Variants in GFRA2 observed in about 807,000 individuals in gnomAD.
GFRA2 encodes GDNF family receptor alpha-2.
In GFRA2, 17 loss-of-function variants were observed where a neutral mutation model predicts 48.3. The ratio of observed to expected loss-of-function variants is 0.35; its 90% CI spans 0.24 to 0.53. The LOEUF is 0.53. GFRA2 is among the 20% of genes least tolerant of loss of function. The pLI is 0.93. For missense variants in GFRA2, 660 were observed against 637.3 expected, an observed-to-expected ratio of 1.04 and a Z score of -0.38; for synonymous variants, 305 against 257.2, an observed-to-expected ratio of 1.19 and a Z score of -1.78.
chr8:21,718,962 T>C (rs2117436136), intron 4 of GFRA2, among the ~76,000 whole-genome samples: 1 of 151,796 alleles, frequency 6.6e-6, no homozygotes, highest in South Asian at 2.1e-4. Flanking sequence ...AATAAAGTTT[T>C]CTTTCTCTCC....
intron 3 of GFRA2, among the ~76,000 whole-genome samples, chr8:21,772,614 G>A (rs922325897): frequency 1.3e-5 from 2 of 152,160 alleles, no homozygotes; most frequent in Non-Finnish European, 2.9e-5. Context: ...AGGAGGGACC[G>A]GCACAGTCCC....
intron 7 of GFRA2, among the ~76,000 whole-genome samples, chr8:21,701,872 G>A (rs1200406322): frequency 6.6e-6 from 1 of 152,126 alleles, no homozygotes; most frequent in African/African-American, 2.4e-5. Context: ...GGGCTGGGTG[G>A]GGTTCCCAAA....
chr8:21,701,754 C>A (rs1802491541), intron 7 of GFRA2, among the ~76,000 whole-genome samples: 1 of 152,174 alleles, frequency 6.6e-6, no homozygotes, highest in Non-Finnish European at 1.5e-5. Context: ...GGTGAGACTG[C>A]ACAAAACCAG....
chr8:21,771,778 A>G (rs1337766697), intron 3 of GFRA2, among the ~76,000 whole-genome samples: 1 of 152,048 alleles, frequency 6.6e-6, no homozygotes, highest in Non-Finnish European at 1.5e-5. Flanking sequence ...GAGGTAGTAC[A>G]ACCCAGAAGC....
rs75685956 is a variant in GFRA2, at chr8:21,721,264, C to G, written c.795-15223G>C. Among the ~76,000 whole-genome samples, 32 of 152,338 alleles carry G rather than the reference C, an allele frequency of 2.1e-4. 1 individual carries two copies. The highest frequency in any genetic ancestry group is 1.4e-3 in the Admixed American group (22 of 15,302). On this transcript the variant is annotated intron_variant, in intron 4 of 8. Transcript: ENST00000524240. ...CCCTCCAGTGTGTCTGCCTTTCCCC[C>G]CTTCCTCTTATCCTGCCCACTGGTG...
chr8:21,746,676 G>A (rs1465446413), intron 4 of GFRA2, among the ~76,000 whole-genome samples: 1 of 151,914 alleles, frequency 6.6e-6, no homozygotes, highest in Non-Finnish European at 1.5e-5. Context: ...TCAGCTCCCA[G>A]GATTCCTCAG....
Position 21,750,869 on chromosome 8 carries a change from A to G in GFRA2, c.513T>C (p.Asn171=), listed in dbSNP as rs371667946. The change falls in exon 4 of 9, where the codon AAT becomes AAC. Residue 171 remains asparagine, a synonymous_variant. Coordinates refer to ENST00000524240, the MANE Select transcript of GFRA2 (RefSeq NM_001495.5). The surrounding 1 kb of genome is among the most constrained non-coding windows in gnomAD (Gnocchi z 5.7). ...CLDAAKACNL[N]DNCKKLRSSY... is the part of the protein sequence containing the mutation. Reference sequence around the variant, plus strand: ...AGGAGCGCAGCTTCTTGCAGTTGTCATTCAGGTTGCAGGCCTTGGCAGCAT... The same window carrying G: ...AGGAGCGCAGCTTCTTGCAGTTGTCGTTCAGGTTGCAGGCCTTGGCAGCAT... 117 of 1,613,892 alleles carry G rather than the reference A, an allele frequency of 7.2e-5. 1 individual carries two copies. Among genetic ancestry groups the G allele is most frequent in the South Asian group, 4.8e-4 (44 of 91,086 alleles).
chr8:21,793,844 GA>G (rs1184193015), upstream of GFRA2, among the ~76,000 whole-genome samples: 2 of 146,838 alleles, frequency 1.4e-5, no homozygotes, highest in African/African-American at 5.0e-5. Flanking sequence ...CAAATAGTGT[GA>G]AAAAAATCAT....
At chr8:21,775,940 T>C (rs1806672539) in intron 2 of GFRA2, among the ~76,000 whole-genome samples, 1 of 151,628 alleles carries the variant, frequency 6.6e-6, no homozygotes, top group African/African-American at 2.4e-5. Flanking sequence ...GGAAATAGTC[T>C]CTTGAGACGT....
intron 1 of GFRA2, among the ~76,000 whole-genome samples, chr8:21,810,842 G>A (rs1232593254): frequency 6.6e-6 from 1 of 152,144 alleles, no homozygotes; most frequent in Non-Finnish European, 1.5e-5. Context: ...GTGGGCTGCA[G>A]AGGAGCCCCC....
chr8:21,787,730 C>G (rs1807352653), intron 1 of GFRA2, among the ~76,000 whole-genome samples: 1 of 152,212 alleles, frequency 6.6e-6, no homozygotes, highest in African/African-American at 2.4e-5. Flanking sequence ...GCCTAGGAGC[C>G]TCTCTCTCCC....
At chr8:21,797,243 C>T (rs1044333813) in intron 2 of GFRA2, among the ~76,000 whole-genome samples, 5 of 149,920 alleles carry the variant, frequency 3.3e-5, no homozygotes, top group South Asian at 2.1e-4. Flanking sequence ...ACAGATAACG[C>T]GGACAATTGA....
chr8:21,754,226 T>C (rs1351466115), intron 3 of GFRA2, among the ~76,000 whole-genome samples: 1 of 152,214 alleles, frequency 6.6e-6, no homozygotes, highest in Admixed American at 6.5e-5. Context: ...CTGTGCTCAG[T>C]GCTGTGTCCC....
chr8:21,738,359 G>T (rs1275803977), intron 4 of GFRA2, among the ~76,000 whole-genome samples: 1 of 151,238 alleles, frequency 6.6e-6, no homozygotes, highest in Non-Finnish European at 1.5e-5. Flanking sequence ...ACCTCTGAAG[G>T]TCTCTGAGCA....
At chr8:21,712,933 T>G (rs1585242614) in intron 4 of GFRA2, among the ~76,000 whole-genome samples, 1 of 150,970 alleles carries the variant, frequency 6.6e-6, no homozygotes, top group Admixed American at 6.6e-5. Context: ...GGCAGGGAGG[T>G]TGCAGTGAGC....
At chr8:21,746,488 T>G (rs1033325630) in intron 4 of GFRA2, among the ~76,000 whole-genome samples, 5 of 152,210 alleles carry the variant, frequency 3.3e-5, no homozygotes, top group Non-Finnish European at 7.3e-5. Flanking sequence ...AGCCACATCC[T>G]GGAGCAATCA....
At chr8:21,703,228 G>A (rs1049461964) in intron 6 of GFRA2, among the ~76,000 whole-genome samples, 25 of 152,278 alleles carry the variant, frequency 1.6e-4, no homozygotes, top group Non-Finnish European at 5.9e-5. Flanking sequence ...AAGTGTACAT[G>A]ATGGGGAACA....
intron 2 of GFRA2, among the ~76,000 whole-genome samples, chr8:21,800,005 A>T (rs1807743368): frequency 6.6e-6 from 1 of 152,206 alleles, no homozygotes; most frequent in Non-Finnish European, 1.5e-5. Context: ...CACTTTGGCT[A>T]GGGGACATCT....
chr8:21,719,412 C>T (rs1803489047), intron 4 of GFRA2, among the ~76,000 whole-genome samples: 1 of 152,034 alleles, frequency 6.6e-6, no homozygotes, highest in Admixed American at 6.5e-5. Context: ...CCCAATCCCT[C>T]CACCTATGTT....
Sources: gnomAD v4.1 joint callset for allele counts (sites outside exome capture counted in the v4.1 genomes callset) on GRCh38, gnomAD v4.1.1 for gene constraint, Gnocchi (gnomAD v3.1) non-coding constraint, MANE v1.5 for transcripts, NCBI Gene and HGNC (gene_info 2026-07-23, HGNC 2026-07-21) for gene names.